Variants in UBQLN3 observed in about 807,000 individuals in gnomAD.
The protein encoded by UBQLN3 is ubiquilin 3, also known as ubiquilin-3.
Under a neutral mutation model 2.9 loss-of-function variants are expected in UBQLN3, and 1 was observed. The ratio of observed to expected loss-of-function variants is 0.35; its 90% CI spans 0.12 to 1.66. The LOEUF is 1.66. Among genes scored for constraint, UBQLN3 ranks in the 40% most tolerant of loss-of-function variants. The pLI is 0.35. For missense variants in UBQLN3, 924 were observed against 816.5 expected (o/e 1.13, Z -1.61); for synonymous variants, 358 against 317.6 (o/e 1.13, Z -1.35).
chr11:5,508,463 C>T lies in UBQLN3; in HGVS notation c.1096G>A (p.Ala366Thr). Reference sequence around the variant, plus strand: ...GGTGGTTCCTGGCTTTGGCTGAGGGCAGATGCAGTCCCCTGTAGATAAGTT... The same window carrying T: ...GGTGGTTCCTGGCTTTGGCTGAGGGTAGATGCAGTCCCCTGTAGATAAGTT... The part of the protein sequence containing the change: ...LGTYLQGTAS[A>T]LSQSQEPPPS... The change falls in exon 2 of 2, where the codon GCC (alanine) becomes ACC (threonine). Residue 366 changes from alanine to threonine, a missense_variant. Coordinates refer to ENST00000311659, the MANE Select transcript of UBQLN3 (RefSeq NM_017481.4). The surrounding 1 kb of genome is among the most constrained non-coding windows in gnomAD (Gnocchi z 4.2). The T allele has an allele frequency of 6.2e-7, 1 of 1,611,242 alleles. No individual in the cohort carries two copies. Among genetic ancestry groups the T allele is most frequent in the Non-Finnish European group, 8.5e-7 (1 of 1,178,542 alleles).
rs1466280615 is a variant in UBQLN3, at chr11:5,509,361, A to G, written c.198T>C (p.Ala66=). The G allele has an allele frequency of 1.2e-6, 2 of 1,614,176 alleles. No homozygotes were observed. Among genetic ancestry groups the G allele is most frequent in the South Asian group, 1.1e-5 (1 of 91,088 alleles). The part of the protein sequence containing the change: ...AHPDQLVLIF[A]GKILKDPDSL... ...AGTCAGGATCCTTGAGGATTTTGCC[A>G]GCAAAGATTAGAACAAGCTGATCGG... Residue 66 remains alanine, a synonymous_variant, in exon 2 of 2, where the codon GCT becomes GCC. Coordinates refer to ENST00000311659, the MANE Select transcript of UBQLN3 (RefSeq NM_017481.4).
Position 5,509,263 on chromosome 11 carries a change from C to T in UBQLN3, c.296G>A (p.Gly99Asp), listed in dbSNP as rs775734439. 5.0e-6 allele frequency: 8 copies of T among 1,614,188 alleles called. No homozygotes were observed. The highest frequency in any genetic ancestry group is 6.8e-6 in the Non-Finnish European group (8 of 1,180,024). ...GACAGAGGCAGCTGGGCACTCATTG[C>T]CCATGGCACGGTGCTGCCTCTTGAT... ...LVIKRQHRAM[G>D]NECPAASVPT... The change falls in exon 2 of 2, where the codon GGC becomes GAC. Residue 99 changes from glycine (G) to aspartate (D), a missense_variant. Coordinates refer to ENST00000311659, the MANE Select transcript of UBQLN3 (RefSeq NM_017481.4).
In UBQLN3 at chr11:5,508,332, G is replaced by A. The variant is rs1355702644; in HGVS notation, c.1227C>T (p.Cys409=). 2 of 1,609,162 alleles carry A rather than the reference G, an allele frequency of 1.2e-6. No homozygotes were observed. The highest frequency in any genetic ancestry group is 1.1e-5 in the South Asian group (1 of 90,868). Residue 409 remains cysteine (C), a synonymous_variant, in exon 2 of 2, where the codon TGC becomes TGT. Coordinates refer to ENST00000311659, the MANE Select transcript of UBQLN3 (RefSeq NM_017481.4). The surrounding 1 kb of genome is among the most constrained non-coding windows in gnomAD (Gnocchi z 4.2). ...CTGTGGGGTATCTCAGGAAAGCTGG[G>A]CAGGAGGACCTTCCCTTGATTGCTA... The part of the protein sequence containing the change: ...ESVAIKGRSS[C]PAFLRYPTEN...
chr11:5,508,374 A>G lies in UBQLN3; in HGVS notation c.1185T>C (p.Pro395=). 6.2e-7 allele frequency: 1 copy of G among 1,603,086 alleles called. No individual in the cohort carries two copies. The highest frequency in any genetic ancestry group is 8.5e-7 in the Non-Finnish European group (1 of 1,174,526). ...PSSQEPGSGQ[P]LPEESVAIKG... ...TGATTGCTACTGACTCCTCGGGGAG[A>G]GGCTGGCCTGACCCAGGCTCCTGAG... Residue 395 remains proline, a synonymous_variant, in exon 2 of 2, where the codon CCT becomes CCC. Coordinates refer to ENST00000311659, the MANE Select transcript of UBQLN3 (RefSeq NM_017481.4). The surrounding 1 kb of genome is among the most constrained non-coding windows in gnomAD (Gnocchi z 4.2).
Position 5,508,646 on chromosome 11 carries a change from G to A in UBQLN3, c.913C>T (p.Pro305Ser), listed in dbSNP as rs1373430182. Residue 305 changes from proline to serine, a missense_variant, in exon 2 of 2, where the codon CCC (proline) becomes TCC (serine). Coordinates refer to ENST00000311659, the MANE Select transcript of UBQLN3 (RefSeq NM_017481.4). This position sits in a 1 kb window ranked among gnomAD's most constrained non-coding sequence, Gnocchi z 4.2. ...GAGCCTCCATGTGTGGAAGTCCAGG[G>A]GTTGGGGAGAGGGTCACAATTCTCC... ...RMENCDPLPNPWTSTHGGSGS... is the reference protein window; with the variant it reads ...RMENCDPLPNSWTSTHGGSGS... 1 of 1,614,102 alleles carries A rather than the reference G, an allele frequency of 6.2e-7. No homozygotes were observed. The highest frequency in any genetic ancestry group is 1.1e-5 in the South Asian group (1 of 91,070).
At position 5,508,994 on chromosome 11, in the gene UBQLN3, G is replaced by A; in HGVS notation, c.565C>T (p.Gln189Ter). 1 of 1,614,088 alleles carries A rather than the reference G, an allele frequency of 6.2e-7. No homozygotes were observed. The highest frequency in any genetic ancestry group is 8.5e-7 in the Non-Finnish European group (1 of 1,179,954). ...GLLSNTGLVRQLVLDNPHMQQ... is the reference protein window; with the variant it reads ...GLLSNTGLVR ...ATATGGGGGTTGTCAAGAACCAGCT[G>A]GCGTACTAGGCCTGTGTTGGACAGC... Residue 189 changes from glutamine to a stop codon, truncating the protein, a stop_gained, in exon 2 of 2, where the codon CAG becomes TAG. Transcript: ENST00000311659. LOFTEE classifies it low-confidence loss of function (END_TRUNC). The surrounding 1 kb of genome is among the most constrained non-coding windows in gnomAD (Gnocchi z 4.2).
chr11:5,509,525 TGCCCTGTGG>T lies in UBQLN3; in HGVS notation c.25_33del (p.Pro9_Gly11del). On this transcript the variant is annotated inframe_deletion, in exon 2 of 2. Coordinates refer to ENST00000311659, the MANE Select transcript of UBQLN3 (RefSeq NM_017481.4). ...TGGGGATCCTGGACTGGTGCTGGGC[TGCCCTGTGG>T]CAGGGCTTCTCCACCTTTGGCCATG... 1 of 1,614,072 alleles carries T rather than the reference TGCCCTGTGG, an allele frequency of 6.2e-7. No individual in the cohort carries two copies. The highest frequency in any genetic ancestry group is 2.2e-5 in the East Asian group (1 of 44,878).
In UBQLN3 at chr11:5,508,584, A is replaced by G. The variant is rs780175402; in HGVS notation, c.975T>C (p.Asp325=). The G allele has an allele frequency of 2.5e-6, 4 of 1,614,110 alleles. No homozygotes were observed. In the Admixed American group the frequency reaches 5.0e-5, roughly 20 times the overall value. ...GAAACCTATTTCTAATGTCAGGTGC[A>G]TCCTGATCCCCATCCTGCCTTCCTT... is the stretch of plus-strand genomic sequence containing the variant. ...SRQGRQDGDQ[D]APDIRNRFPN... is the part of the protein sequence containing the mutation. Residue 325 remains aspartate, a synonymous_variant, in exon 2 of 2, where the codon GAT becomes GAC. Coordinates refer to ENST00000311659, the MANE Select transcript of UBQLN3 (RefSeq NM_017481.4). This position sits in a 1 kb window ranked among gnomAD's most constrained non-coding sequence, Gnocchi z 4.2.
At position 5,509,550 on chromosome 11, in the gene UBQLN3, T is replaced by C; in HGVS notation, c.9A>G (p.Lys3=). The part of the protein sequence containing the change: MA[K]GGEALPQGSP... ...TGCCCTGTGGCAGGGCTTCTCCACC[T>C]TTGGCCATGGTGGCAGCAGGAGGCC... Residue 3 remains lysine, a synonymous_variant, in exon 2 of 2, where the codon AAA becomes AAG. Coordinates refer to ENST00000311659, the MANE Select transcript of UBQLN3 (RefSeq NM_017481.4). 1 of 1,612,732 alleles carries C rather than the reference T, an allele frequency of 6.2e-7. No individual in the cohort carries two copies.
rs112954850 is a variant in UBQLN3 at position 5,508,031 on chromosome 11, G to T, written c.1528C>A (p.His510Asn). 6.2e-6 allele frequency: 10 copies of T among 1,614,134 alleles called. No homozygotes were observed. Among genetic ancestry groups the T allele is most frequent in the African/African-American group, 1.3e-5 (1 of 75,060 alleles). The change falls in exon 2 of 2, where the codon CAC becomes AAC. Residue 510 changes from histidine to asparagine, a missense_variant. Coordinates refer to ENST00000311659, the MANE Select transcript of UBQLN3 (RefSeq NM_017481.4). This position sits in a 1 kb window ranked among gnomAD's most constrained non-coding sequence, Gnocchi z 4.2. ...GGGTTTGCCATGGCTGCCTGAAGGT[G>T]CATCAGCAGTGGCAGCTGTGGTTGT... ...EIQPQLPLLM[H>N]LQAAMANPRA... is the part of the protein sequence containing the mutation.
rs754864864 is a variant in UBQLN3 at position 5,507,956 on chromosome 11, C to G, written c.1603G>C (p.Ala535Pro). ...AGTAGGAGGCGAGGTGCTTCAGTAG[C>G]TAGGACCTGTAGACCCTGCTCAATC... ...RQIEQGLQVLATEAPRLLLWF... is the reference protein window; with the variant it reads ...RQIEQGLQVLPTEAPRLLLWF... The change falls in exon 2 of 2, where the codon GCT (alanine) becomes CCT (proline). Residue 535 changes from alanine to proline, a missense_variant. Physicochemically the swap from Ala to Pro is conservative, Grantham distance 27. Transcript: ENST00000311659. The G allele has an allele frequency of 6.2e-7, 1 of 1,613,988 alleles. No homozygotes were observed. The highest frequency in any genetic ancestry group is 8.5e-7 in the Non-Finnish European group (1 of 1,180,030).
chr11:5,509,377 A>G lies in UBQLN3; in HGVS notation c.182T>C (p.Leu61Pro). The G allele has an allele frequency of 6.2e-7, 1 of 1,614,210 alleles. No homozygotes were observed. Among genetic ancestry groups the G allele is most frequent in the Non-Finnish European group, 8.5e-7 (1 of 1,180,042 alleles). Reference protein sequence around the residue: ...SQRFKAHPDQLVLIFAGKILK... With the variant: ...SQRFKAHPDQPVLIFAGKILK... ...GATTTTGCCAGCAAAGATTAGAACA[A>G]GCTGATCGGGGTGGGCCTTAAAGCG... The change falls in exon 2 of 2, where the codon CTT becomes CCT. Residue 61 changes from leucine to proline, a missense_variant. Physicochemically the swap from Leu to Pro is moderately conservative, Grantham distance 98. Transcript: ENST00000311659.
Position 5,507,980 on chromosome 11 carries a change from T to A in UBQLN3, c.1579A>T (p.Ile527Phe). Residue 527 changes from isoleucine to phenylalanine, a missense_variant, in exon 2 of 2, where the codon ATT becomes TTT. By Grantham distance (21) the Ile-to-Phe change is conservative (BLOSUM62 0). Transcript: ENST00000311659. ...GCTAGGACCTGTAGACCCTGCTCAATCTGCCGCAGGGCTTGCAGGGCACGG... is the reference window on the plus strand; with the variant it reads ...GCTAGGACCTGTAGACCCTGCTCAAACTGCCGCAGGGCTTGCAGGGCACGG... ...NPRALQALRQIEQGLQVLATE... is the reference protein window; with the variant it reads ...NPRALQALRQFEQGLQVLATE... 2 of 1,614,046 alleles carry A rather than the reference T, an allele frequency of 1.2e-6. No individual in the cohort carries two copies. The highest frequency in any genetic ancestry group is 1.7e-6 in the Non-Finnish European group (2 of 1,180,040).
In UBQLN3 at chr11:5,508,215, C is replaced by A. The variant is rs559044353; in HGVS notation, c.1344G>T (p.Leu448=). 3.1e-6 allele frequency: 5 copies of A among 1,614,142 alleles called. No individual in the cohort carries two copies. The highest frequency in any genetic ancestry group is 4.2e-6 in the Non-Finnish European group (5 of 1,180,018). The change falls in exon 2 of 2, where the codon CTG becomes CTT. Residue 448 remains leucine, a synonymous_variant. Coordinates refer to ENST00000311659, the MANE Select transcript of UBQLN3 (RefSeq NM_017481.4). This position sits in a 1 kb window ranked among gnomAD's most constrained non-coding sequence, Gnocchi z 4.2. ...ATGGAACCCTGTTGGCAGAATCTCC[C>A]AGCCCCGAGACAAGATCAGGCAAGT... is the stretch of plus-strand genomic sequence containing the variant. ...STNLPDLVSG[L]GDSANRVPFA... is the part of the protein sequence containing the mutation.
In UBQLN3 at chr11:5,507,687, C is replaced by A; in HGVS notation, c.1872G>T (p.Arg624=). The part of the protein sequence containing the change: ...AHFQVQLEQL[R]SMGFLNREAN... Reference sequence around the variant, plus strand: ...CTTCACGATTCAGAAAGCCCATGGACCGCAGTTGCTCCAGCTGCACCTGAA... The same window carrying A: ...CTTCACGATTCAGAAAGCCCATGGAACGCAGTTGCTCCAGCTGCACCTGAA... The change falls in exon 2 of 2, where the codon CGG becomes CGT. Residue 624 remains arginine (R), a synonymous_variant. Transcript: ENST00000311659. 6.2e-7 allele frequency: 1 copy of A among 1,614,096 alleles called. No individual in the cohort carries two copies. The highest frequency in any genetic ancestry group is 8.5e-7 in the Non-Finnish European group (1 of 1,179,992).
At position 5,508,442 on chromosome 11, in the gene UBQLN3, G is replaced by A. The variant is rs991670718; in HGVS notation, c.1117C>T (p.Pro373Ser). ...TASALSQSQE[P>S]PPSVNRVPPS... The stretch of plus-strand genomic sequence containing the variant: ...GGAACTCTGTTTACTGATGGTGGTG[G>A]TTCCTGGCTTTGGCTGAGGGCAGAT... Residue 373 changes from proline (P) to serine (S), a missense_variant, in exon 2 of 2, where the codon CCA (proline) becomes TCA (serine). Transcript: ENST00000311659. This position sits in a 1 kb window ranked among gnomAD's most constrained non-coding sequence, Gnocchi z 4.2. 8.7e-6 allele frequency: 14 copies of A among 1,607,282 alleles called. No individual in the cohort carries two copies. The highest frequency in any genetic ancestry group is 7.6e-6 in the Non-Finnish European group (9 of 1,176,718).
At chr11:5,509,670 G>T in intron 1 of UBQLN3, 76 bp from the exon 2 acceptor site, 2 of 1,453,912 alleles carry the variant, frequency 1.4e-6, no homozygotes, top group Non-Finnish European at 9.1e-7. Context: ...GTATGAAAAG[G>T]GTCTTGAATA....
Position 5,508,523 on chromosome 11 carries a change from G to A in UBQLN3, c.1036C>T (p.Leu346Phe). ...FLGIIRLYDY[L>F]QQLHENPQSL... is the part of the protein sequence containing the mutation. ...TGGGGGTTCTCGTGTAATTGCTGGA[G>A]ATAGTCATAGAGCCTTATAATACCC... Residue 346 changes from leucine (L) to phenylalanine (F), a missense_variant, in exon 2 of 2, where the codon CTC becomes TTC. Physicochemically the swap from Leu to Phe is conservative, Grantham distance 22. Coordinates refer to ENST00000311659, the MANE Select transcript of UBQLN3 (RefSeq NM_017481.4). The surrounding 1 kb of genome is among the most constrained non-coding windows in gnomAD (Gnocchi z 4.2). The A allele has an allele frequency of 6.2e-7, 1 of 1,614,140 alleles. No homozygotes were observed. The highest frequency in any genetic ancestry group is 8.5e-7 in the Non-Finnish European group (1 of 1,180,024).
chr11:5,508,893 C>T lies in UBQLN3; in HGVS notation c.666G>A (p.Glu222=). The T allele has an allele frequency of 6.2e-7, 1 of 1,614,210 alleles. No individual in the cohort carries two copies. Among genetic ancestry groups the T allele is most frequent in the Non-Finnish European group, 8.5e-7 (1 of 1,180,036 alleles). The change falls in exon 2 of 2, where the codon GAG becomes GAA. Residue 222 remains glutamate (E), a synonymous_variant. Coordinates refer to ENST00000311659, the MANE Select transcript of UBQLN3 (RefSeq NM_017481.4). The surrounding 1 kb of genome is among the most constrained non-coding windows in gnomAD (Gnocchi z 4.2). ...NNPEIMRQTL[E]FLRNPAMMQE... ...GCATCATGGCAGGGTTACGTAAAAA[C>T]TCCAGTGTCTGCCGCATAATTTCCG...
Sources: allele counts gnomAD v4.1 joint callset, GRCh38; gene constraint gnomAD v4.1.1; non-coding constraint Gnocchi (gnomAD v3.1); transcripts MANE v1.5; gene names NCBI Gene and HGNC (gene_info 2026-07-23, HGNC 2026-07-21).